CNTNAP2: variants seen among roughly 807,000 people sequenced by gnomAD.
CNTNAP2 encodes the protein contactin associated protein 2, also known as contactin-associated protein-like 2.
Under a neutral mutation model 155.2 loss-of-function variants are expected in CNTNAP2, and 98 were observed. The observed-to-expected ratio is 0.63, with a 90% confidence interval of 0.54 to 0.75. CNTNAP2 has a LOEUF of 0.75. Among genes scored for constraint, CNTNAP2 ranks in the 30% least tolerant of loss-of-function variants. CNTNAP2 has a pLI of 0.00. For synonymous variants in CNTNAP2, 651 were observed against 631.2 expected (o/e 1.03, Z -0.47); for missense variants, 1,727 against 1,688.1 (o/e 1.02, Z -0.40).
At position 147,140,924 on chromosome 7, in the gene CNTNAP2, C is replaced by T. The variant is rs376603079; in HGVS notation, c.1348+8415C>T. 5.9e-5 allele frequency among the ~76,000 whole-genome samples: 9 copies of T among 151,984 alleles called. No homozygotes were observed. The East Asian group carries it at 7.8e-4, about 13-fold the overall frequency. On this transcript the variant is annotated intron_variant, in intron 8 of 23. Transcript: ENST00000361727. ...CTTGCTGTACTGCTATAAAGGCTGGCGAGAATGAGACTCCGGGGCCATCCA... is the reference window on the plus strand; with the variant it reads ...CTTGCTGTACTGCTATAAAGGCTGGTGAGAATGAGACTCCGGGGCCATCCA...
At chr7:147,971,614 A>G (rs780248339) in intron 14 of CNTNAP2, among the ~76,000 whole-genome samples, 3 of 152,120 alleles carry the variant, frequency 2.0e-5, no homozygotes, top group Non-Finnish European at 2.9e-5. Flanking sequence ...TCATGTTGCA[A>G]CATGTATTCA....
chr7:147,138,586 C>T (rs1158291759), intron 8 of CNTNAP2, among the ~76,000 whole-genome samples: 1 of 151,806 alleles, frequency 6.6e-6, no homozygotes, highest in East Asian at 1.9e-4. Context: ...AATTATACTG[C>T]AGTGAATGCT....
chr7:146,501,524 G>T (rs1797300255), intron 1 of CNTNAP2, among the ~76,000 whole-genome samples: 1 of 151,762 alleles, frequency 6.6e-6, no homozygotes, highest in Admixed American at 6.6e-5. Flanking sequence ...TTATTCCTTT[G>T]TAAGCTTTTT....
intron 21 of CNTNAP2, among the ~76,000 whole-genome samples, chr7:148,371,873 A>T (rs1798890960): frequency 6.6e-6 from 1 of 152,174 alleles, no homozygotes; most frequent in Non-Finnish European, 1.5e-5. Context: ...TTGTTCACTA[A>T]ACATAGACAA....
At chr7:147,683,168 G>C (rs1349484976) in intron 13 of CNTNAP2, among the ~76,000 whole-genome samples, 1 of 151,790 alleles carries the variant, frequency 6.6e-6, no homozygotes, top group African/African-American at 2.4e-5. Context: ...AGTAACAAAA[G>C]TTACCTTTAT....
Position 147,057,941 on chromosome 7 carries a change from C to A in CNTNAP2, c.550+13887C>A, listed in dbSNP as rs150523133. On this transcript the variant is annotated intron_variant, in intron 4 of 23. Transcript: ENST00000361727. ...ATATAGATCTCCTATATATGTACTG[C>A]AGATAAAAATACTATTATGTCACCT... Among the ~76,000 whole-genome samples, 34 of 152,126 alleles carry A rather than the reference C, an allele frequency of 2.2e-4. No homozygotes were observed. In the East Asian group the frequency reaches 5.8e-3, roughly 26 times the overall value.
At chr7:147,025,791 C>T (rs1446143724) in intron 3 of CNTNAP2, among the ~76,000 whole-genome samples, 2 of 151,378 alleles carry the variant, frequency 1.3e-5, no homozygotes, top group Non-Finnish European at 2.9e-5. Flanking sequence ...ATACATTACA[C>T]GTATATATCT....
At chr7:148,251,339 G>C (rs180978288) in intron 20 of CNTNAP2, among the ~76,000 whole-genome samples, 1 of 152,344 alleles carries the variant, frequency 6.6e-6, no homozygotes, top group Non-Finnish European at 1.5e-5. Flanking sequence ...GAGAGATGCA[G>C]GTGGCAAGAT....
intron 13 of CNTNAP2, among the ~76,000 whole-genome samples, chr7:147,739,980 C>T (rs1381257181): frequency 2.6e-5 from 4 of 152,152 alleles, no homozygotes; most frequent in African/African-American, 7.2e-5. Flanking sequence ...CATAGTCTTA[C>T]AGCTTTCTCT....
rs976697527 is a variant in CNTNAP2, at chr7:147,794,457, C to T, written c.2099-109108C>T. 9.2e-5 allele frequency among the ~76,000 whole-genome samples: 14 copies of T among 151,926 alleles called. No individual in the cohort carries two copies. The South Asian group carries it at 1.0e-3, about 11-fold the overall frequency. On this transcript the variant is annotated intron_variant, in intron 13 of 23. Coordinates refer to ENST00000361727, the MANE Select transcript of CNTNAP2 (RefSeq NM_014141.6). Reference sequence around the variant, plus strand: ...CATGAATATGGTATATTAGAGTCACCGGTTTTCAGATGTTAAACCAATCTT... The same window carrying T: ...CATGAATATGGTATATTAGAGTCACTGGTTTTCAGATGTTAAACCAATCTT...
chr7:148,387,880 A>G (rs966825732), intron 22 of CNTNAP2, among the ~76,000 whole-genome samples: 6 of 149,444 alleles, frequency 4.0e-5, no homozygotes, highest in African/African-American at 1.5e-4. Context: ...AACTGGTTGC[A>G]GTAAAGAAGC....
chr7:147,114,256 C>A (rs1324930072), intron 5 of CNTNAP2, among the ~76,000 whole-genome samples: 1 of 152,050 alleles, frequency 6.6e-6, no homozygotes, highest in African/African-American at 2.4e-5. Context: ...AGAGTAAGTG[C>A]TGTGTAGTGA....
chr7:148,307,067 C>A (rs1340058617), intron 21 of CNTNAP2, among the ~76,000 whole-genome samples: 1 of 152,238 alleles, frequency 6.6e-6, no homozygotes, highest in Admixed American at 6.5e-5. Flanking sequence ...AGGGTAGACA[C>A]CTGGCTGTCA....
intron 21 of CNTNAP2, among the ~76,000 whole-genome samples, chr7:148,315,920 C>G (rs1294122049): frequency 6.6e-6 from 1 of 152,006 alleles, no homozygotes; most frequent in African/African-American, 2.4e-5. Flanking sequence ...AATGTCTAGG[C>G]TGGAGTATAT....
intron 1 of CNTNAP2, among the ~76,000 whole-genome samples, chr7:146,399,806 G>T (rs183497543): frequency 6.6e-6 from 1 of 151,988 alleles, no homozygotes; most frequent in African/African-American, 2.4e-5. Context: ...GCTCCCCACC[G>T]CCCTTGCCAC....
chr7:146,880,338 C>G (rs140372683), intron 3 of CNTNAP2, among the ~76,000 whole-genome samples: 1 of 151,860 alleles, frequency 6.6e-6, no homozygotes. Flanking sequence ...TTCTGCCATT[C>G]GAAGAACACC....
intron 1 of CNTNAP2, among the ~76,000 whole-genome samples, chr7:146,588,715 C>T (rs2129149065): frequency 6.6e-6 from 1 of 152,060 alleles, no homozygotes; most frequent in South Asian, 2.1e-4. Flanking sequence ...TGCCCTGTTG[C>T]CCAGGCTGGT....
intron 1 of CNTNAP2, among the ~76,000 whole-genome samples, chr7:146,539,238 C>T (rs968880214): frequency 1.6e-4 from 24 of 151,972 alleles, no homozygotes; most frequent in South Asian, 2.1e-4. Flanking sequence ...TTTTTCACAA[C>T]GCTATATCAT....
At chr7:146,361,008 T>A (rs184390855) in intron 1 of CNTNAP2, among the ~76,000 whole-genome samples, 1 of 152,180 alleles carries the variant, frequency 6.6e-6, no homozygotes, top group African/African-American at 2.4e-5. Context: ...ATCGTGATGT[T>A]TAAGAACAGC....
Sources: gnomAD v4.1 joint callset for allele counts (sites outside exome capture counted in the v4.1 genomes callset) on GRCh38, gnomAD v4.1.1 for gene constraint, MANE v1.5 for transcripts, NCBI Gene and HGNC (gene_info 2026-07-23, HGNC 2026-07-21) for gene names.